The following ANAPC1 variants were observed in gnomAD, a reference collection of about 807,000 sequenced individuals.
ANAPC1 encodes the protein anaphase-promoting complex subunit 1.
In ANAPC1, 36 loss-of-function variants were observed where a neutral mutation model predicts 208.0. The ratio of observed to expected loss-of-function variants is 0.17; its 90% CI spans 0.13 to 0.23. ANAPC1 has a LOEUF of 0.23. ANAPC1 is among the 10% of genes least tolerant of loss of function. The pLI is 1.00. For synonymous variants in ANAPC1, 378 were observed against 695.2 expected (o/e 0.54, Z 7.18); for missense variants, 942 against 2,011.6 (o/e 0.47, Z 10.17).
At chr2:111,839,602 T>A (rs1399314574) in intron 17 of ANAPC1, among the ~76,000 whole-genome samples, 2 of 152,234 alleles carry the variant, frequency 1.3e-5, no homozygotes, top group African/African-American at 4.8e-5. Context: ...AACTGAATGT[T>A]ATTGAGAGAG....
rs550991830 is a variant in ANAPC1 at position 111,856,313 on chromosome 2, T to C, written c.1515+301A>G. 4 of 263,420 alleles carry C rather than the reference T, an allele frequency of 1.5e-5. 1 individual carries two copies. The highest frequency in any genetic ancestry group is 9.3e-5 in the African/African-American group (4 of 43,200). 16.3% of individuals were successfully genotyped at this position (263,420 alleles called of 1,614,324 possible). The stretch of plus-strand genomic sequence containing the variant: ...CTTTAGTACTTACCAAAGGTACCCA[T>C]GCTTCAATTTCAAAACTTTAACTTT... On this transcript the variant is annotated intron_variant, in intron 13 of 47. Transcript: ENST00000341068.
chr2:111,801,149 G>C (rs1377031797), intron 33 of ANAPC1, among the ~76,000 whole-genome samples: 3 of 151,980 alleles, frequency 2.0e-5, no homozygotes, highest in Non-Finnish European at 4.4e-5. Flanking sequence ...TGAAGCCCAG[G>C]AGTTTGAGAC....
chr2:111,844,658 A>G (rs921983761), intron 16 of ANAPC1, among the ~76,000 whole-genome samples: 7 of 152,056 alleles, frequency 4.6e-5, no homozygotes, highest in African/African-American at 1.7e-4. Flanking sequence ...TTCAGTAAAT[A>G]TATAATATTC....
chr2:111,824,866 C>A, intron 24 of ANAPC1, 100 bp downstream of exon 24: 2 of 1,248,486 alleles, frequency 1.6e-6, no homozygotes, highest in South Asian at 2.6e-5. Flanking sequence ...TCTTGTGAGG[C>A]CTTTTCACAA....
chr2:111,796,662 T>C (rs899445475), intron 34 of ANAPC1, among the ~76,000 whole-genome samples: 1 of 146,228 alleles, frequency 6.8e-6, no homozygotes, highest in African/African-American at 2.6e-5. Flanking sequence ...AAAAGTGCTA[T>C]GAAGATGCTA....
At position 111,782,490 on chromosome 2, in the gene ANAPC1, T is replaced by A; in HGVS notation, c.5081A>T (p.Asp1694Val). ...TQHLKSILSK[D>V]GVLYVKLRAG... Reference sequence around the variant, plus strand: ...CCGGAGTTTAACATATAAAACCCCATCCTTGGAAAGGATGGACCTGAAAGA... The same window carrying A: ...CCGGAGTTTAACATATAAAACCCCAACCTTGGAAAGGATGGACCTGAAAGA... The change falls in exon 43 of 48, where the codon GAT becomes GTT. Residue 1694 changes from aspartate (D) to valine (V), a missense_variant. By Grantham distance (152) the Asp-to-Val change is radical. Transcript: ENST00000341068. 6.2e-7 allele frequency: 1 copy of A among 1,613,684 alleles called. No individual in the cohort carries two copies. The highest frequency in any genetic ancestry group is 8.5e-7 in the Non-Finnish European group (1 of 1,179,718).
At chr2:111,825,520 A>C (rs899520751) in intron 22 of ANAPC1, among the ~76,000 whole-genome samples, 1 of 152,210 alleles carries the variant, frequency 6.6e-6, no homozygotes, top group Non-Finnish European at 1.5e-5. Flanking sequence ...ATGTTGTTCA[A>C]GAGTCAATGG....
At chr2:111,852,772 A>G (rs1301676976) in intron 13 of ANAPC1, among the ~76,000 whole-genome samples, 1 of 152,064 alleles carries the variant, frequency 6.6e-6, no homozygotes, top group Non-Finnish European at 1.5e-5. Context: ...ACAAATATGT[A>G]ACAGAGACTG....
In ANAPC1 at chr2:111,880,217, T is replaced by C. The variant is rs554901178; in HGVS notation, c.213+396A>G. 4.6e-5 allele frequency among the ~76,000 whole-genome samples: 7 copies of C among 151,382 alleles called. No homozygotes were observed. In the South Asian group the frequency reaches 1.5e-3, roughly 32 times the overall value. On this transcript the variant is annotated intron_variant, in intron 2 of 47. Coordinates refer to ENST00000341068, the MANE Select transcript of ANAPC1 (RefSeq NM_022662.4). The stretch of plus-strand genomic sequence containing the variant: ...GGAGAAACCCCATCACTACTAAAAA[T>C]ACAAAATTAGTAGGGGTGGTGGTGC...
chr2:111,784,283 T>C (rs1372146919), intron 41 of ANAPC1, 40 bp downstream of exon 41: 5 of 1,614,046 alleles, frequency 3.1e-6, no homozygotes, highest in East Asian at 4.5e-5. Context: ...TTCTGTTGAA[T>C]TGACCCCTTG....
intron 34 of ANAPC1, among the ~76,000 whole-genome samples, chr2:111,795,430 A>T (rs1425218311): frequency 6.7e-6 from 1 of 149,112 alleles, no homozygotes; most frequent in Non-Finnish European, 1.5e-5. Flanking sequence ...GAACAAATAT[A>T]AACAGGAAGA....
intron 46 of ANAPC1, among the ~76,000 whole-genome samples, chr2:111,776,230 C>G (rs1677000511): frequency 6.6e-6 from 1 of 151,798 alleles, no homozygotes; most frequent in African/African-American, 2.4e-5. Context: ...GGAGTCTACT[C>G]CTGAAAATCA....
At position 111,820,265 on chromosome 2, in the gene ANAPC1, TA is replaced by T. The variant is rs201230981; in HGVS notation, c.3206+973del. On this transcript the variant is annotated intron_variant, in intron 26 of 47. Transcript: ENST00000341068. ...ATTGAGCAGTATTCTAAGTGCTATG[TA>T]AAAATAATTCACTTGATACACAGCA... 5.4e-3 allele frequency among the ~76,000 whole-genome samples: 819 copies of T among 152,240 alleles called. 1 individual carries two copies. Among genetic ancestry groups the T allele is most frequent in the African/African-American group, 0.019 (788 of 41,536 alleles).
intron 24 of ANAPC1, among the ~76,000 whole-genome samples, chr2:111,824,028 T>C (rs1679689761): frequency 1.3e-5 from 2 of 150,590 alleles, no homozygotes; most frequent in South Asian, 4.2e-4. Context: ...ATCATGTTTT[T>C]CTTATGATTT....
chr2:111,788,920 C>T (rs1382967694), intron 38 of ANAPC1, among the ~76,000 whole-genome samples: 2 of 152,000 alleles, frequency 1.3e-5, no homozygotes, highest in South Asian at 2.1e-4. Context: ...GGGCGGATCA[C>T]GAGGTCAGGA....
chr2:111,845,907 G>A (rs1228227509), intron 16 of ANAPC1, among the ~76,000 whole-genome samples: 6 of 148,788 alleles, frequency 4.0e-5, no homozygotes, highest in African/African-American at 7.4e-5. Context: ...CCCGGGAGGC[G>A]GAGCTTGCAG....
At chr2:111,843,357 T>C in intron 17 of ANAPC1, 55 bp downstream of exon 17, 17 of 1,581,102 alleles carry the variant, frequency 1.1e-5, no homozygotes, top group East Asian at 4.5e-5. Flanking sequence ...TTACCAATTA[T>C]GCAACCATTA....
In ANAPC1 at chr2:111,880,736, G is replaced by A. The variant is rs1405533031; in HGVS notation, c.90C>T (p.His30=). ...GTTGAAGGTTCAAAGCATTAGGGTG[G>A]TGCTTGCAGTGGTCTCGACCAAAAG... ...FVPFGRDHCK[H]HPNALNLQLR... is the part of the protein sequence containing the mutation. The change falls in exon 2 of 48, where the codon CAC becomes CAT. Residue 30 remains histidine (H), a synonymous_variant. Coordinates refer to ENST00000341068, the MANE Select transcript of ANAPC1 (RefSeq NM_022662.4). 6.2e-7 allele frequency: 1 copy of A among 1,613,916 alleles called. No individual in the cohort carries two copies.
At position 111,838,477 on chromosome 2, in the gene ANAPC1, C is replaced by A. The variant is rs13022390; in HGVS notation, c.2076G>T (p.Ala692=). ...DFEGSLSPVI[A]PKKARPSETG... The stretch of plus-strand genomic sequence containing the variant: ...TCTCGGAAGGCCTTGCTTTTTTGGG[C>A]GCAATGACAGGAGAAAGTGATCCTT... Residue 692 remains alanine, a synonymous_variant, in exon 18 of 48, where the codon GCG becomes GCT. Transcript: ENST00000341068. 1.3e-5 allele frequency: 21 copies of A among 1,604,946 alleles called. No individual in the cohort carries two copies. Among genetic ancestry groups the A allele is most frequent in the Non-Finnish European group, 1.7e-5 (20 of 1,176,998 alleles).
Sources: allele counts gnomAD v4.1 joint callset (sites outside exome capture counted in the v4.1 genomes callset), GRCh38; gene constraint gnomAD v4.1.1; transcripts MANE v1.5; gene names NCBI Gene and HGNC (gene_info 2026-07-23, HGNC 2026-07-21).